LARS2: variants seen among roughly 807,000 people sequenced by gnomAD.
The protein encoded by LARS2 is leucine--tRNA ligase, mitochondrial.
In LARS2, 81 loss-of-function variants were observed where a neutral mutation model predicts 116.6. That is an observed-to-expected ratio of 0.69 (90% confidence interval 0.58 to 0.84). The LOEUF is 0.84. Ranked by LOEUF, LARS2 falls within the 40% of genes least tolerant of loss-of-function variation. The probability of loss-of-function intolerance (pLI) is 0.00; values close to 1 mark genes in which losing one functional copy is unlikely to be tolerated. For missense variants in LARS2, 968 were observed against 1,114.5 expected (o/e 0.87, Z 1.87); for synonymous variants, 396 against 407.2 (o/e 0.97, Z 0.33).
chr3:45,479,649 A>G (rs373072808), intron 10 of LARS2, among the ~76,000 whole-genome samples: 4 of 152,210 alleles, frequency 2.6e-5, no homozygotes, highest in Admixed American at 1.3e-4. Context: ...GTTTATTTCC[A>G]TAATCGTTGA....
intron 4 of LARS2, among the ~76,000 whole-genome samples, chr3:45,401,897 T>G (rs149592961): frequency 5.3e-5 from 8 of 152,196 alleles, no homozygotes; most frequent in Admixed American, 1.3e-4. Flanking sequence ...ATTATAGATA[T>G]GAGCTACCGC....
At chr3:45,536,676 G>T (rs972801903) in intron 20 of LARS2, among the ~76,000 whole-genome samples, 1 of 152,190 alleles carries the variant, frequency 6.6e-6, no homozygotes, top group Non-Finnish European at 1.5e-5. Context: ...GCCTCTCTGG[G>T]CTTCTTGAAG....
chr3:45,404,825 G>C (rs979242614), intron 4 of LARS2, among the ~76,000 whole-genome samples: 1 of 152,112 alleles, frequency 6.6e-6, no homozygotes, highest in South Asian at 2.1e-4. Context: ...GATCTCAGGT[G>C]ATCAGCCTGC....
chr3:45,544,922 A>C (rs1013162108), intron 21 of LARS2, among the ~76,000 whole-genome samples: 2 of 152,026 alleles, frequency 1.3e-5, no homozygotes, highest in Admixed American at 1.3e-4. Flanking sequence ...ACTGGAGCAG[A>C]GGGCATAGGG....
intron 6 of LARS2, chr3:45,421,582 T>C (rs935493062): frequency 6.6e-6 from 1 of 152,210 alleles, no homozygotes; most frequent in African/African-American, 2.4e-5. Flanking sequence ...CAGGTACTTT[T>C]ATTGACGTCA....
At chr3:45,498,693 T>C (rs1700061334) in intron 14 of LARS2, among the ~76,000 whole-genome samples, 1 of 152,176 alleles carries the variant, frequency 6.6e-6, no homozygotes, top group African/African-American at 2.4e-5. Flanking sequence ...GTTTGCTTGA[T>C]TGGCTGACCT....
At chr3:45,446,162 A>G (rs527701041) in intron 6 of LARS2, among the ~76,000 whole-genome samples, 32 of 152,352 alleles carry the variant, frequency 2.1e-4, no homozygotes, top group Non-Finnish European at 4.4e-4. Flanking sequence ...GAAGTTAAAG[A>G]GCACTAGAAA....
intron 8 of LARS2, among the ~76,000 whole-genome samples, chr3:45,462,265 C>T (rs1699338554): frequency 6.6e-6 from 1 of 152,084 alleles, no homozygotes; most frequent in South Asian, 2.1e-4. Context: ...GCTGCAGCTC[C>T]AGACATCGTG....
chr3:45,515,815 G>A (rs1473115018), intron 16 of LARS2, among the ~76,000 whole-genome samples: 2 of 152,154 alleles, frequency 1.3e-5, no homozygotes. Context: ...TTGTAAAGGG[G>A]GAAATTGTTT....
At chr3:45,423,585 G>A (rs1300739861) in intron 6 of LARS2, among the ~76,000 whole-genome samples, 1 of 151,972 alleles carries the variant, frequency 6.6e-6, no homozygotes, top group Non-Finnish European at 1.5e-5. Context: ...CTGTTATATT[G>A]CAATTTTTCT....
intron 4 of LARS2, among the ~76,000 whole-genome samples, chr3:45,401,906 G>A (rs1025141636): frequency 8.5e-5 from 13 of 152,104 alleles, no homozygotes; most frequent in African/African-American, 1.4e-4. Context: ...ATGAGCTACC[G>A]CACCTAGCCC....
chr3:45,547,236 T>G (rs953630038), intron 21 of LARS2, 115 bp from the exon 22 acceptor site: 2 of 931,926 alleles, frequency 2.1e-6, no homozygotes. Context: ...CCACCTCTAT[T>G]CCTTTCCCCT....
In LARS2 at chr3:45,426,782, G is replaced by A. The variant is rs76797172; in HGVS notation, c.516+7053G>A. On this transcript the variant is annotated intron_variant, in intron 6 of 21. Coordinates refer to ENST00000645846, the MANE Select transcript of LARS2 (RefSeq NM_015340.4). ...TTAACTAAAGAGGGATGTCTCCTGG[G>A]GCTGCCCAGCAAATGTAGCTCTTCA... Among the ~76,000 whole-genome samples the A allele has an allele frequency of 8.7e-3, 1,332 of 152,274 alleles. 9 individuals carry two copies. Among genetic ancestry groups the A allele is most frequent in the Non-Finnish European group, 0.013 (909 of 68,020 alleles).
intron 15 of LARS2, among the ~76,000 whole-genome samples, chr3:45,510,570 A>T (rs1367674164): frequency 1.3e-5 from 2 of 152,250 alleles, no homozygotes; most frequent in East Asian, 3.8e-4. Context: ...TGACCAGGAG[A>T]TACCTTCTCA....
rs1319892268 is a variant in LARS2, at chr3:45,516,245, T to C, written c.2013T>C (p.Pro671=). The C allele has an allele frequency of 6.2e-7, 1 of 1,613,882 alleles. No homozygotes were observed. Among genetic ancestry groups the C allele is most frequent in the African/African-American group, 1.3e-5 (1 of 75,038 alleles). Residue 671 remains proline, a synonymous_variant, in exon 17 of 22, where the codon CCT becomes CCC. Coordinates refer to ENST00000645846, the MANE Select transcript of LARS2 (RefSeq NM_015340.4). The part of the protein sequence containing the change: ...TIRLYILFAA[P]PEKDILWDVK... ...GGCTCTACATCCTTTTTGCTGCCCC[T>C]CCTGAGAAGGATATCTTGTGGGATG... is the stretch of plus-strand genomic sequence containing the variant.
At chr3:45,517,279 C>G (rs1700382242) in intron 17 of LARS2, among the ~76,000 whole-genome samples, 1 of 152,168 alleles carries the variant, frequency 6.6e-6, no homozygotes, top group African/African-American at 2.4e-5. Context: ...AGCCTAGTGG[C>G]CAGACAGTAC....
chr3:45,541,990 G>C, intron 21 of LARS2, 34 bp downstream of exon 21: 1 of 1,611,212 alleles, frequency 6.2e-7, no homozygotes, highest in Non-Finnish European at 8.5e-7. Context: ...GAACCCAGCA[G>C]TCCCTGCCCT....
intron 15 of LARS2, among the ~76,000 whole-genome samples, chr3:45,511,652 G>T (rs1011369959): frequency 1.3e-5 from 2 of 151,930 alleles, no homozygotes; most frequent in Non-Finnish European, 2.9e-5. Flanking sequence ...TCAGTTTTTC[G>T]CAGGTTGCAA....
chr3:45,449,957 CACAAA>C (rs1699097303), intron 7 of LARS2, among the ~76,000 whole-genome samples: 1 of 152,190 alleles, frequency 6.6e-6, no homozygotes, highest in Non-Finnish European at 1.5e-5. Flanking sequence ...CTGTTGCTTT[CACAAA>C]ACAAAAGTAT....
Sources: allele counts gnomAD v4.1 joint callset (sites outside exome capture counted in the v4.1 genomes callset), GRCh38; gene constraint gnomAD v4.1.1; transcripts MANE v1.5; gene names NCBI Gene and HGNC (gene_info 2026-07-23, HGNC 2026-07-21).